LANCL2: variants seen among roughly 807,000 people sequenced by gnomAD.
LANCL2 encodes the protein lanC-like protein 2.
In LANCL2, 33 loss-of-function variants were observed where a neutral mutation model predicts 56.9. That is an observed-to-expected ratio of 0.58 (90% CI 0.44 to 0.78). The LOEUF (loss-of-function observed/expected upper bound fraction) is 0.78. Among genes scored for constraint, LANCL2 ranks in the 30% least tolerant of loss-of-function variants. The pLI, the probability that LANCL2 is intolerant of heterozygous loss-of-function variation, is 0.00. For missense variants in LANCL2, 562 were observed against 580.2 expected, an observed-to-expected ratio of 0.97 and a Z score of 0.32; for synonymous variants, 233 against 228.2, an observed-to-expected ratio of 1.02 and a Z score of -0.19.
chr7:55,388,701 A>T (rs1790152924), intron 1 of LANCL2, among the ~76,000 whole-genome samples: 1 of 152,128 alleles, frequency 6.6e-6, no homozygotes, highest in Non-Finnish European at 1.5e-5. Flanking sequence ...ATGGTATAGG[A>T]CGAATTTTTC....
At chr7:55,412,189 A>T in intron 6 of LANCL2, 100 bp downstream of exon 6, 1 of 1,072,600 alleles carries the variant, frequency 9.3e-7, no homozygotes. Context: ...ACTGTACACT[A>T]AAAACCTTTT....
intron 8 of LANCL2, among the ~76,000 whole-genome samples, chr7:55,429,297 C>G (rs543574264): frequency 6.6e-6 from 1 of 152,164 alleles, no homozygotes; most frequent in Non-Finnish European, 1.5e-5. Flanking sequence ...GTACAAACTT[C>G]TAGGTCTGGA....
intron 1 of LANCL2, among the ~76,000 whole-genome samples, chr7:55,369,856 G>A (rs7788786): frequency 0.9 from 137,122 of 152,276 alleles, 62,116 homozygotes; most frequent in African/African-American, 0.98. Flanking sequence ...TCTGAAGAGT[G>A]TAGGAATAGC....
chr7:55,402,172 C>G (rs1670772297), intron 5 of LANCL2, among the ~76,000 whole-genome samples: 2 of 150,026 alleles, frequency 1.3e-5, no homozygotes, highest in Non-Finnish European at 3.0e-5. Flanking sequence ...GGCAGAGGGG[C>G]TCCTCACTTC....
chr7:55,409,514 C>T (rs1790449256), intron 5 of LANCL2, among the ~76,000 whole-genome samples: 1 of 150,874 alleles, frequency 6.6e-6, no homozygotes, highest in East Asian at 2.0e-4. Flanking sequence ...TTTCCCTGTA[C>T]TTCATCTCAG....
At chr7:55,391,945 T>G in intron 2 of LANCL2, 35 bp downstream of exon 2, 1 of 1,134,694 alleles carries the variant, frequency 8.8e-7, no homozygotes, top group South Asian at 1.3e-5. Context: ...TGATACATTT[T>G]ATTCTTAGAT....
At chr7:55,395,269 A>G (rs902813929) in intron 2 of LANCL2, among the ~76,000 whole-genome samples, 1 of 152,188 alleles carries the variant, frequency 6.6e-6, no homozygotes, top group Non-Finnish European at 1.5e-5. Flanking sequence ...TGGAGGGAGA[A>G]AAACGCACCA....
intron 2 of LANCL2, among the ~76,000 whole-genome samples, chr7:55,396,435 C>G (rs1385325547): frequency 6.6e-6 from 1 of 152,250 alleles, no homozygotes; most frequent in East Asian, 1.9e-4. Context: ...AAGGGAGATG[C>G]CTAGCTCCAG....
chr7:55,388,926 C>T (rs1376420837), intron 1 of LANCL2, among the ~76,000 whole-genome samples: 1 of 152,190 alleles, frequency 6.6e-6, no homozygotes, highest in East Asian at 1.9e-4. Flanking sequence ...GTGGCCTGAC[C>T]CTCTCCACTG....
intron 1 of LANCL2, among the ~76,000 whole-genome samples, chr7:55,375,520 C>T (rs60487336): frequency 0.051 from 7,722 of 152,270 alleles, 662 homozygotes; most frequent in African/African-American, 0.17. Flanking sequence ...TCAGAGTTGC[C>T]CAGGCAGACT....
chr7:55,402,194 G>A (rs531548379), intron 5 of LANCL2, among the ~76,000 whole-genome samples: 582 of 116,060 alleles, frequency 5.0e-3, no homozygotes, highest in East Asian at 0.03. Flanking sequence ...CAGTAGGGGC[G>A]GCCAGGCAGA....
chr7:55,428,011 T>A (rs1790684049), intron 7 of LANCL2: 1 of 187,676 alleles, frequency 5.3e-6, no homozygotes, highest in Non-Finnish European at 1.1e-5. Context: ...CTGAGAGCCA[T>A]TTTAGAGCCA....
At chr7:55,407,916 A>G (rs914993248) in intron 5 of LANCL2, among the ~76,000 whole-genome samples, 1 of 152,250 alleles carries the variant, frequency 6.6e-6, no homozygotes, top group African/African-American at 2.4e-5. Flanking sequence ...CCTCCGGTGC[A>G]CTGAGGACAG....
intron 2 of LANCL2, among the ~76,000 whole-genome samples, chr7:55,394,752 C>T (rs1399479543): frequency 6.7e-6 from 1 of 149,624 alleles, no homozygotes; most frequent in Non-Finnish European, 1.5e-5. Flanking sequence ...CCCACCCTCC[C>T]AGAATCAGCA....
intron 1 of LANCL2, among the ~76,000 whole-genome samples, chr7:55,391,001 C>G (rs568095153): frequency 6.8e-6 from 1 of 147,896 alleles, no homozygotes; most frequent in Non-Finnish European, 1.5e-5. Context: ...TCATTAGTTA[C>G]TGAGTGATTG....
chr7:55,415,487 T>C (rs570119540), intron 6 of LANCL2, among the ~76,000 whole-genome samples: 53 of 152,350 alleles, frequency 3.5e-4, no homozygotes, highest in African/African-American at 1.2e-3. Flanking sequence ...GGAATGTTTT[T>C]CTAGGGGTAT....
intron 7 of LANCL2, chr7:55,428,080 A>G (rs1488712995): frequency 2.3e-6 from 1 of 435,876 alleles, no homozygotes; most frequent in Non-Finnish European, 4.2e-6. Flanking sequence ...CATCAGCTGA[A>G]GCGGCAGGAG....
intron 6 of LANCL2, among the ~76,000 whole-genome samples, chr7:55,414,999 A>G (rs1356531488): frequency 9.0e-5 from 12 of 134,052 alleles, no homozygotes; most frequent in African/African-American, 2.3e-4. Context: ...AAAAAAAAAA[A>G]AAGAAAAGAA....
At chr7:55,402,563 CA>C (rs1464878746) in intron 5 of LANCL2, among the ~76,000 whole-genome samples, 5 of 126,146 alleles carry the variant, frequency 4.0e-5, no homozygotes, top group African/African-American at 1.5e-4. Flanking sequence ...CTGACCCCCC[CA>C]CATCCTTCCC....
Sources: gnomAD v4.1 joint callset for allele counts (sites outside exome capture counted in the v4.1 genomes callset) on GRCh38, gnomAD v4.1.1 for gene constraint, MANE v1.5 for transcripts, NCBI Gene and HGNC (gene_info 2026-07-23, HGNC 2026-07-21) for gene names.